Variants in JPH1 observed in about 807,000 individuals in gnomAD.
JPH1 encodes junctophilin-1.
JPH1 carries 12 observed loss-of-function variants against 53.6 expected under a neutral mutation model. The observed-to-expected ratio is 0.22, with a 90% confidence interval of 0.14 to 0.36. The LOEUF is 0.36. Among genes scored for constraint, JPH1 ranks in the 10% least tolerant of loss-of-function variants. The pLI is 1.00. For missense variants in JPH1, 808 were observed against 905.5 expected (o/e 0.89, Z 1.38); for synonymous variants, 375 against 363.8 (o/e 1.03, Z -0.35).
intron 2 of JPH1, among the ~76,000 whole-genome samples, chr8:74,294,227 G>C (rs1424061035): frequency 6.6e-6 from 1 of 152,196 alleles, no homozygotes; most frequent in Admixed American, 6.5e-5. Context: ...TGAAGATAAA[G>C]TTCCCCACGT....
intron 4 of JPH1, among the ~76,000 whole-genome samples, chr8:74,239,793 G>T (rs1805641878): frequency 6.6e-6 from 1 of 152,080 alleles, no homozygotes; most frequent in Non-Finnish European, 1.5e-5. Flanking sequence ...CATCATGTTG[G>T]TGCTCTAAAA....
chr8:74,293,041 C>A (rs1298889887), intron 2 of JPH1, among the ~76,000 whole-genome samples: 2 of 152,158 alleles, frequency 1.3e-5, no homozygotes, highest in Non-Finnish European at 2.9e-5. Flanking sequence ...TGTGGTCATA[C>A]AAACCACAGG....
At chr8:74,281,158 T>G (rs564160254) in intron 2 of JPH1, among the ~76,000 whole-genome samples, 3 of 152,252 alleles carry the variant, frequency 2.0e-5, no homozygotes, top group African/African-American at 7.2e-5. Context: ...CTTAAACAAC[T>G]TAAACTTTTG....
chr8:74,291,182 G>C (rs1221061714), intron 2 of JPH1, among the ~76,000 whole-genome samples: 1 of 152,206 alleles, frequency 6.6e-6, no homozygotes, highest in Non-Finnish European at 1.5e-5. Context: ...ACTACCATCA[G>C]AGTGACTAGG....
At chr8:74,313,799 A>G (rs1438970344) in intron 2 of JPH1, among the ~76,000 whole-genome samples, 1 of 152,256 alleles carries the variant, frequency 6.6e-6, no homozygotes, top group Non-Finnish European at 1.5e-5. Context: ...ATTCTATGCT[A>G]CATTTATGCT....
chr8:74,313,212 T>C (rs1808046823), intron 2 of JPH1, among the ~76,000 whole-genome samples: 1 of 152,194 alleles, frequency 6.6e-6, no homozygotes, highest in Non-Finnish European at 1.5e-5. Flanking sequence ...GCATTTAAAA[T>C]TAGAGGTCAA....
At chr8:74,319,433 C>A (rs1457811994) in intron 1 of JPH1, among the ~76,000 whole-genome samples, 2 of 152,202 alleles carry the variant, frequency 1.3e-5, no homozygotes, top group African/African-American at 2.4e-5. Flanking sequence ...CAACCAGGTA[C>A]TTTATGCCCA....
At chr8:74,273,218 G>C (rs765930164) in intron 2 of JPH1, among the ~76,000 whole-genome samples, 1 of 152,270 alleles carries the variant, frequency 6.6e-6, no homozygotes, top group African/African-American at 2.4e-5. Context: ...ATGTTTGCTC[G>C]ATGGGTTTAA....
intron 3 of JPH1, among the ~76,000 whole-genome samples, chr8:74,248,173 TCTG>T: frequency 6.6e-6 from 1 of 152,204 alleles, no homozygotes. Context: ...TCATGCCCAC[TCTG>T]CTAAGATGAG....
chr8:74,244,678 C>G lies in JPH1; in HGVS notation c.1756G>C (p.Ala586Pro). The change falls in exon 4 of 6, where the codon GCT (alanine) becomes CCT (proline). Residue 586 changes from alanine to proline, a missense_variant. Ala to Pro is a conservative substitution (Grantham distance 27, BLOSUM62 -1). Around this residue, in one of 2 missense-constraint regions of JPH1, gnomAD observed 756 missense variants for 811.9 expected, o/e 0.93. Transcript: ENST00000342232. ...SSSALVHKPS[A>P]NKWSPSKSVT... Reference sequence around the variant, plus strand: ...GATTTGGAGGGACTCCACTTGTTAGCGGATGGCTTGTGCACCAGTGCTGAG... The same window carrying G: ...GATTTGGAGGGACTCCACTTGTTAGGGGATGGCTTGTGCACCAGTGCTGAG... The G allele has an allele frequency of 6.2e-7, 1 of 1,614,134 alleles. No individual in the cohort carries two copies. Among genetic ancestry groups the G allele is most frequent in the Admixed American group, 1.7e-5 (1 of 60,012 alleles).
intron 2 of JPH1, among the ~76,000 whole-genome samples, chr8:74,273,589 C>T (rs1250110697): frequency 6.6e-6 from 1 of 152,152 alleles, no homozygotes; most frequent in African/African-American, 2.4e-5. Context: ...TCATTACCTA[C>T]AGTACCAGGC....
intron 2 of JPH1, among the ~76,000 whole-genome samples, chr8:74,314,446 T>C (rs910099846): frequency 6.6e-6 from 1 of 152,200 alleles, no homozygotes; most frequent in African/African-American, 2.4e-5. Context: ...ATACTAAGTA[T>C]GTTTCTACGT....
At chr8:74,239,329 T>G (rs1805628044) in intron 4 of JPH1, among the ~76,000 whole-genome samples, 1 of 152,180 alleles carries the variant, frequency 6.6e-6, no homozygotes, top group African/African-American at 2.4e-5. Context: ...ACTTCAGAGC[T>G]CCATGCTCTT....
At chr8:74,250,864 T>A (rs1806026952) in intron 3 of JPH1, among the ~76,000 whole-genome samples, 1 of 152,100 alleles carries the variant, frequency 6.6e-6, no homozygotes, top group Non-Finnish European at 1.5e-5. Context: ...AGAAGGCCAA[T>A]TTACTAGTTT....
intron 2 of JPH1, among the ~76,000 whole-genome samples, chr8:74,311,475 A>T (rs1807991632): frequency 6.6e-6 from 1 of 152,252 alleles, no homozygotes; most frequent in Non-Finnish European, 1.5e-5. Context: ...CCCAGGCAGC[A>T]AATCTTAAAA....
At chr8:74,295,632 C>T (rs1486356022) in intron 2 of JPH1, among the ~76,000 whole-genome samples, 1 of 152,136 alleles carries the variant, frequency 6.6e-6, no homozygotes. Context: ...ATAGACAACA[C>T]TTGAATAAAA....
chr8:74,301,048 TA>T (rs1807667498), intron 2 of JPH1, among the ~76,000 whole-genome samples: 1 of 152,144 alleles, frequency 6.6e-6, no homozygotes, highest in African/African-American at 2.4e-5. Flanking sequence ...TTAACCTTAA[TA>T]GGGGTATTAG....
At chr8:74,284,893 C>T (rs1425685447) in intron 2 of JPH1, among the ~76,000 whole-genome samples, 1 of 150,536 alleles carries the variant, frequency 6.6e-6, no homozygotes, top group East Asian at 2.0e-4. Context: ...GGCGCAATCT[C>T]GGCTCACTGC....
At chr8:74,280,954 G>T (rs1322962849) in intron 2 of JPH1, among the ~76,000 whole-genome samples, 1 of 152,178 alleles carries the variant, frequency 6.6e-6, no homozygotes, top group African/African-American at 2.4e-5. Context: ...GCTCCAGCAG[G>T]TAATGGTTTG....
Sources: gnomAD v4.1 joint callset for allele counts (sites outside exome capture counted in the v4.1 genomes callset) on GRCh38, gnomAD v4.1.1 for gene constraint, gnomAD v4.1.1 regional missense constraint, MANE v1.5 for transcripts, NCBI Gene and HGNC (gene_info 2026-07-23, HGNC 2026-07-21) for gene names.